The following DNAJC25 variants were observed in gnomAD, a reference collection of about 807,000 sequenced individuals.
DNAJC25 encodes DnaJ heat shock protein family (Hsp40) member C25.
In DNAJC25, 26 loss-of-function variants were observed where a neutral mutation model predicts 42.1. The ratio of observed to expected loss-of-function variants is 0.62; its 90% confidence interval spans 0.45 to 0.86. DNAJC25 has a LOEUF of 0.86. DNAJC25 is among the 40% of genes least tolerant of loss of function. DNAJC25 has a pLI of 0.00. For synonymous variants in DNAJC25, 189 were observed against 179.9 expected, an observed-to-expected ratio of 1.05 and a Z score of -0.40; for missense variants, 404 against 459.4, an observed-to-expected ratio of 0.88 and a Z score of 1.10.
At position 111,649,691 on chromosome 9, in the gene DNAJC25, ATCT is replaced by A. The variant is rs1355238652; in HGVS notation, c.732_734del (p.Leu246del). On this transcript the variant is annotated inframe_deletion, in exon 3 of 4. Coordinates refer to ENST00000313525, the MANE Select transcript of DNAJC25 (RefSeq NM_001015882.3). ...GGCTATCAGAAACCCCAAATCTGTG[ATCT>A]TCTCCTGTTTCAAATTATCTTAGCT... is the stretch of plus-strand genomic sequence containing the variant. 1 of 1,614,130 alleles carries A rather than the reference ATCT, an allele frequency of 6.2e-7. No homozygotes were observed. Among genetic ancestry groups the A allele is most frequent in the Non-Finnish European group, 8.5e-7 (1 of 1,180,002 alleles).
chr9:111,631,351 C>A lies in DNAJC25; in HGVS notation c.-57C>A, dbSNP rs984677349. 2.4e-6 allele frequency: 3 copies of A among 1,253,004 alleles called. No homozygotes were observed. The African/African-American group carries it at 4.7e-5, about 20-fold the overall frequency. 77.6% of individuals were successfully genotyped at this position (1,253,004 alleles called of 1,614,324 possible). A position where few individuals can be genotyped will look rare whatever the true frequency, so the allele number is the denominator to read the frequency against. ...CTGGGGCCAGACGGGACTAGCCGGGCGCGCGGCTGAGTGCTGCAGAATCGC... is the reference window on the plus strand; with the variant it reads ...CTGGGGCCAGACGGGACTAGCCGGGAGCGCGGCTGAGTGCTGCAGAATCGC... On this transcript the variant is annotated 5_prime_UTR_variant, in exon 1 of 4. Coordinates refer to ENST00000313525, the MANE Select transcript of DNAJC25 (RefSeq NM_001015882.3).
intron 2 of DNAJC25, among the ~76,000 whole-genome samples, chr9:111,648,364 C>T (rs1401098361): frequency 1.3e-5 from 2 of 151,544 alleles, no homozygotes; most frequent in East Asian, 1.9e-4. Context: ...TGGGCTCAGG[C>T]GATCCTCCCA....
intron 1 of DNAJC25, among the ~76,000 whole-genome samples, chr9:111,644,292 A>G (rs555014936): frequency 3.9e-5 from 6 of 152,190 alleles, no homozygotes; most frequent in Non-Finnish European, 8.8e-5. Flanking sequence ...CTCTGCTTGC[A>G]GTAGAGAGGC....
At chr9:111,633,139 ATGAAGCTCCAACCTCTGTTCCT>A (rs1409024147) in intron 1 of DNAJC25, among the ~76,000 whole-genome samples, 5 of 152,190 alleles carry the variant, frequency 3.3e-5, no homozygotes, top group African/African-American at 1.2e-4. Context: ...ACTTCAGCAT[ATGAAGCTCCAACCTCTGTTCCT>A]TGTAGTCAGC....
chr9:111,652,873 T>G (rs1589350231), intron 3 of DNAJC25, among the ~76,000 whole-genome samples: 1 of 152,070 alleles, frequency 6.6e-6, no homozygotes, highest in South Asian at 2.1e-4. Flanking sequence ...TTATACAGGT[T>G]GTTCTTTCAT....
intron 1 of DNAJC25, among the ~76,000 whole-genome samples, chr9:111,635,865 TAGCACTTAGGA>T (rs1830354583): frequency 6.6e-6 from 1 of 151,930 alleles, no homozygotes. Flanking sequence ...GGCAGGGCTT[TAGCACTTAGGA>T]AGAATTTAGC....
chr9:111,641,611 G>A (rs1189024495), intron 1 of DNAJC25, among the ~76,000 whole-genome samples: 39 of 105,000 alleles, frequency 3.7e-4, no homozygotes, highest in Middle Eastern at 7.1e-3. Flanking sequence ...CAGCCGCCCC[G>A]TCCGGGAGGG....
At chr9:111,635,136 G>A (rs1289425556) in intron 1 of DNAJC25, among the ~76,000 whole-genome samples, 1 of 152,208 alleles carries the variant, frequency 6.6e-6, no homozygotes, top group African/African-American at 2.4e-5. Context: ...TGGATCTCAT[G>A]AGGTAGAATA....
At chr9:111,633,776 C>T (rs1042595670) in intron 1 of DNAJC25, among the ~76,000 whole-genome samples, 1 of 152,044 alleles carries the variant, frequency 6.6e-6, no homozygotes. Context: ...GCCCCCATCC[C>T]GGAACTGATC....
intron 1 of DNAJC25, among the ~76,000 whole-genome samples, chr9:111,645,976 C>T (rs2131266773): frequency 6.6e-6 from 1 of 152,172 alleles, no homozygotes; most frequent in South Asian, 2.1e-4. Flanking sequence ...TCTCACTATG[C>T]TGCCCAGGCT....
At chr9:111,632,260 G>A (rs760300486) in intron 1 of DNAJC25, among the ~76,000 whole-genome samples, 6 of 152,174 alleles carry the variant, frequency 3.9e-5, no homozygotes, top group Non-Finnish European at 7.3e-5. Flanking sequence ...GTGAGTCTTT[G>A]CTGTGACACC....
chr9:111,640,971 TG>T (rs1830448483), intron 1 of DNAJC25, among the ~76,000 whole-genome samples: 1 of 74,440 alleles, frequency 1.3e-5, no homozygotes, highest in Non-Finnish European at 2.4e-5. Context: ...GCCCCCCGCC[TG>T]GCCAGCCGTG....
At chr9:111,640,160 G>A (rs7389642) in intron 1 of DNAJC25, among the ~76,000 whole-genome samples, 1 of 151,516 alleles carries the variant, frequency 6.6e-6, no homozygotes. Flanking sequence ...GCCCCTAACC[G>A]CGAGTGATCC....
At chr9:111,652,611 A>G (rs905695637) in intron 3 of DNAJC25, among the ~76,000 whole-genome samples, 25 of 149,430 alleles carry the variant, frequency 1.7e-4, no homozygotes, top group African/African-American at 5.9e-4. Flanking sequence ...GCATGATCTC[A>G]GCTCACTGCA....
chr9:111,645,675 A>G (rs1356163548), intron 1 of DNAJC25, among the ~76,000 whole-genome samples: 1 of 152,250 alleles, frequency 6.6e-6, no homozygotes, highest in African/African-American at 2.4e-5. Context: ...AGGTGATCCT[A>G]AACAGACCCC....
chr9:111,641,240 T>TC (rs1830456222), intron 1 of DNAJC25, among the ~76,000 whole-genome samples: 5 of 104,504 alleles, frequency 4.8e-5, no homozygotes, highest in African/African-American at 1.5e-4. Flanking sequence ...GGGTCAGCCC[T>TC]CCCCCCGGCC....
intron 1 of DNAJC25, 110 bp from the exon 2 acceptor site, chr9:111,646,997 C>T: frequency 8.3e-7 from 1 of 1,208,334 alleles, no homozygotes; most frequent in Non-Finnish European, 1.1e-6. Flanking sequence ...AGTATTTTTA[C>T]TCAGATTAAC....
chr9:111,639,928 CTCTCCG>C lies in DNAJC25; in HGVS notation c.337-7149_337-7144del, dbSNP rs71373755. ...CCTCTCCCTCTCCCTCTCCCTCTCC[CTCTCCG>C]TCTCCGTCTCCGTCTCCGTCTCCGT... is the stretch of plus-strand genomic sequence containing the variant. On this transcript the variant is annotated intron_variant, in intron 1 of 3. Coordinates refer to ENST00000313525, the MANE Select transcript of DNAJC25 (RefSeq NM_001015882.3). Among the ~76,000 whole-genome samples, 469 of 120,014 alleles carry C rather than the reference CTCTCCG, an allele frequency of 3.9e-3. 6 individuals carry two copies. Among genetic ancestry groups the C allele is most frequent in the Non-Finnish European group, 4.3e-3 (222 of 51,798 alleles). The allele number at this position is 120,014 out of a possible 152,430, so 78.7% of individuals were successfully genotyped here. A position where few individuals can be genotyped will look rare whatever the true frequency, so the allele number is the denominator to read the frequency against.
intron 1 of DNAJC25, among the ~76,000 whole-genome samples, chr9:111,645,221 G>T (rs140085600): frequency 2.6e-4 from 40 of 152,064 alleles, no homozygotes; most frequent in African/African-American, 9.4e-4. Context: ...GAATATGGGA[G>T]AACTTACTGA....
Sources: gnomAD v4.1 joint callset for allele counts (sites outside exome capture counted in the v4.1 genomes callset) on GRCh38, gnomAD v4.1.1 for gene constraint, MANE v1.5 for transcripts, NCBI Gene and HGNC (gene_info 2026-07-23, HGNC 2026-07-21) for gene names.